Variants in PSMC1 observed in about 807,000 individuals in gnomAD.
PSMC1 encodes proteasome 26S subunit, ATPase 1.
A neutral mutation model predicts 49.8 loss-of-function variants in PSMC1; 5 were observed. The ratio of observed to expected loss-of-function variants is 0.10; its 90% CI spans 0.05 to 0.21. The LOEUF is 0.21. PSMC1 is among the 10% of genes least tolerant of loss of function. The pLI is 1.00. For missense variants in PSMC1, 181 were observed against 535.7 expected, an observed-to-expected ratio of 0.34 and a Z score of 6.54; for synonymous variants, 155 against 192.1, an observed-to-expected ratio of 0.81 and a Z score of 1.60.
intron 5 of PSMC1, 28 bp downstream of exon 5, chr14:90,263,875 C>T: frequency 6.2e-7 from 1 of 1,612,034 alleles, no homozygotes; most frequent in East Asian, 2.2e-5. Flanking sequence ...TTCAGAAAGC[C>T]CACGGAAGTG....
chr14:90,267,213 T>C (rs1891540318), intron 7 of PSMC1, among the ~76,000 whole-genome samples: 1 of 151,756 alleles, frequency 6.6e-6, no homozygotes, highest in South Asian at 2.1e-4. Flanking sequence ...CACTGCAATC[T>C]CCGCCTCCCG....
Position 90,263,690 on chromosome 14 carries a change from G to A in PSMC1, c.308G>A (p.Arg103Lys), listed in dbSNP as rs1891448467. 1 of 1,613,294 alleles carries A rather than the reference G, an allele frequency of 6.2e-7. No individual in the cohort carries two copies. Among genetic ancestry groups the A allele is most frequent in the Non-Finnish European group, 8.5e-7 (1 of 1,179,636 alleles). ...EEERSKVDDL[R>K]GTPMSVGTLE... ...GAAAGATCAAAAGTGGATGATCTGA[G>A]GGGGACCCCGATGTCAGTAGGAACC... Residue 103 changes from arginine (R) to lysine (K), a missense_variant, in exon 5 of 11, where the codon AGG becomes AAG. Transcript: ENST00000261303.
chr14:90,271,614 T>C (rs920972134), intron 10 of PSMC1: 3 of 152,240 alleles, frequency 2.0e-5, no homozygotes, highest in Non-Finnish European at 4.4e-5. Context: ...CAATTGCCTC[T>C]AAGTTTCAGG....
At chr14:90,259,447 A>G (rs1891354210) in intron 2 of PSMC1, among the ~76,000 whole-genome samples, 1 of 152,258 alleles carries the variant, frequency 6.6e-6, no homozygotes, top group Non-Finnish European at 1.5e-5. Context: ...AAGCAATGAC[A>G]TTATAGAAGT....
At chr14:90,266,604 G>A (rs1450207856) in intron 7 of PSMC1, among the ~76,000 whole-genome samples, 1 of 152,206 alleles carries the variant, frequency 6.6e-6, no homozygotes, top group Admixed American at 6.5e-5. Context: ...ACAGCTGCAG[G>A]CCCCCTGTGG....
chr14:90,266,446 G>A (rs557967893), intron 7 of PSMC1, among the ~76,000 whole-genome samples: 1 of 152,276 alleles, frequency 6.6e-6, no homozygotes, highest in East Asian at 1.9e-4. Context: ...GTACCCAGAG[G>A]CCGAGAGCTA....
At chr14:90,267,174 G>A (rs1356716637) in intron 7 of PSMC1, among the ~76,000 whole-genome samples, 3 of 150,782 alleles carry the variant, frequency 2.0e-5, no homozygotes, top group Non-Finnish European at 1.5e-5. Flanking sequence ...CTGTCGCCCA[G>A]GCTGGAGTGC....
chr14:90,260,779 C>T (rs1474580106), intron 3 of PSMC1, among the ~76,000 whole-genome samples: 1 of 152,126 alleles, frequency 6.6e-6, no homozygotes, highest in Non-Finnish European at 1.5e-5. Context: ...TTAACTGGCT[C>T]CTCTAGTGGA....
At chr14:90,268,103 T>C in intron 7 of PSMC1, 121 bp from the exon 8 acceptor site, 1 of 714,450 alleles carries the variant, frequency 1.4e-6, no homozygotes, top group Non-Finnish European at 2.2e-6. Context: ...ATTGGTGCCA[T>C]GCCTTAGCAT....
chr14:90,262,315 A>T (rs996228768), intron 3 of PSMC1, among the ~76,000 whole-genome samples: 3 of 152,126 alleles, frequency 2.0e-5, no homozygotes, highest in Admixed American at 2.0e-4. Context: ...AAATTAAAAA[A>T]ATATAAAAGG....
At chr14:90,266,268 A>T (rs1055994028) in intron 7 of PSMC1, among the ~76,000 whole-genome samples, 9 of 152,146 alleles carry the variant, frequency 5.9e-5, no homozygotes, top group Middle Eastern at 3.4e-3. Flanking sequence ...AAAAAAACAA[A>T]AAAAACCCAC....
intron 10 of PSMC1, chr14:90,271,006 TC>T (rs1167249267): frequency 5.8e-4 from 89 of 152,338 alleles, no homozygotes; most frequent in African/African-American, 1.9e-3. Context: ...GAACTAGATG[TC>T]TCTGTTGGCA....
At chr14:90,268,150 T>C (rs1367082393) in intron 7 of PSMC1, 74 bp from the exon 8 acceptor site, 1 of 1,262,686 alleles carries the variant, frequency 7.9e-7, no homozygotes, top group Non-Finnish European at 1.1e-6. Flanking sequence ...TTTAAGGTGG[T>C]AATGATACGA....
Position 90,270,317 on chromosome 14 carries a change from A to T in PSMC1, c.1153A>T (p.Met385Leu). Residue 385 changes from methionine (M) to leucine (L), a missense_variant, in exon 10 of 11, where the codon ATG (methionine) becomes TTG (leucine). Coordinates refer to ENST00000261303, the MANE Select transcript of PSMC1 (RefSeq NM_002802.3). ...TGATGTAACCCTGGACGACCTGATC[A>T]TGGCTAAAGATGACCTCTCTGGTGC... ...ADDVTLDDLI[M>L]AKDDLSGADI... 9 of 1,613,686 alleles carry T rather than the reference A, an allele frequency of 5.6e-6. No homozygotes were observed. Among genetic ancestry groups the T allele is most frequent in the Non-Finnish European group, 7.6e-6 (9 of 1,179,926 alleles).
At position 90,274,813 on chromosome 14, in the gene PSMC1, CACACACACACACACACACACACA is replaced by C. The variant is rs909266455; in HGVS notation, c.*2407_*2429del. The C allele has an allele frequency of 1.2e-4, 13 of 104,624 alleles. No individual in the cohort carries two copies. Among genetic ancestry groups the C allele is most frequent in the East Asian group, 4.6e-4 (2 of 4,308 alleles). 6.5% of individuals were successfully genotyped at this position (104,624 alleles called of 1,614,324 possible). A position where few individuals can be genotyped will look rare whatever the true frequency, so the allele number is the denominator to read the frequency against. On this transcript the variant is annotated 3_prime_UTR_variant, in exon 11 of 11. Coordinates refer to ENST00000261303, the MANE Select transcript of PSMC1 (RefSeq NM_002802.3). The stretch of plus-strand genomic sequence containing the variant: ...ACACACACACACACACACACACACA[CACACACACACACACACACACACA>C]CACCCCAATACATATGAATTGATCT...
intron 6 of PSMC1, 141 bp from the exon 7 acceptor site, chr14:90,264,929 T>G (rs1241337615): frequency 2.9e-6 from 2 of 695,692 alleles, no homozygotes; most frequent in Non-Finnish European, 4.9e-6. Context: ...TTGCTGCTAA[T>G]AGAAATCAAG....
chr14:90,256,764 A>G (rs1255147742), intron 1 of PSMC1, among the ~76,000 whole-genome samples, 164 bp downstream of exon 1: 1 of 152,154 alleles, frequency 6.6e-6, no homozygotes, highest in African/African-American at 2.4e-5. Flanking sequence ...GACCGCGCTC[A>G]TGTCCACCGC....
intron 10 of PSMC1, chr14:90,271,893 T>C (rs1391098985): frequency 2.1e-5 from 1 of 48,432 alleles, no homozygotes; most frequent in Non-Finnish European, 6.2e-5. Context: ...TCAGAACAGA[T>C]TTTTTTTTTT....
intron 7 of PSMC1, 33 bp downstream of exon 7, chr14:90,265,199 C>A: frequency 6.8e-7 from 1 of 1,461,546 alleles, no homozygotes; most frequent in Non-Finnish European, 9.5e-7. Context: ...TCCAGGCACC[C>A]AGCTGGTCTC....
Sources: gnomAD v4.1 joint callset for allele counts (sites outside exome capture counted in the v4.1 genomes callset) on GRCh38, gnomAD v4.1.1 for gene constraint, MANE v1.5 for transcripts, NCBI Gene and HGNC (gene_info 2026-07-23, HGNC 2026-07-21) for gene names.